Variants in TSHZ2 observed in about 807,000 individuals in gnomAD.
TSHZ2 encodes teashirt homolog 2.
A neutral mutation model predicts 74.4 loss-of-function variants in TSHZ2; 21 were observed. That is an observed-to-expected ratio of 0.28 (90% CI 0.20 to 0.41). TSHZ2 has a LOEUF of 0.41. Among genes scored for constraint, TSHZ2 ranks in the 10% least tolerant of loss-of-function variants. TSHZ2 has a pLI of 1.00. For missense variants in TSHZ2, 1,244 were observed against 1,293.5 expected, an observed-to-expected ratio of 0.96 and a Z score of 0.59; for synonymous variants, 540 against 515.3, an observed-to-expected ratio of 1.05 and a Z score of -0.65.
intron 2 of TSHZ2, among the ~76,000 whole-genome samples, chr20:53,365,598 C>T (rs1228773433): frequency 1.3e-5 from 2 of 152,260 alleles, no homozygotes; most frequent in East Asian, 3.9e-4. Context: ...TGGATCCTGA[C>T]AAAGCAAAGG....
At chr20:53,224,876 T>C (rs987309271) in intron 1 of TSHZ2, among the ~76,000 whole-genome samples, 5 of 151,514 alleles carry the variant, frequency 3.3e-5, no homozygotes, top group African/African-American at 1.2e-4. Context: ...AAAAAGAACT[T>C]AATAAATGGT....
At chr20:53,282,888 C>A (rs898013425) in intron 2 of TSHZ2, among the ~76,000 whole-genome samples, 4 of 152,342 alleles carry the variant, frequency 2.6e-5, no homozygotes, top group African/African-American at 9.6e-5. Flanking sequence ...GTGCCACTCC[C>A]AGATCAGAAC....
chr20:53,357,015 A>G (rs1453256528), intron 2 of TSHZ2, among the ~76,000 whole-genome samples: 1 of 152,110 alleles, frequency 6.6e-6, no homozygotes, highest in Non-Finnish European at 1.5e-5. Flanking sequence ...TGTCTTTTTC[A>G]CTATCATAAT....
At chr20:53,348,617 G>A (rs1159234893) in intron 2 of TSHZ2, among the ~76,000 whole-genome samples, 1 of 152,176 alleles carries the variant, frequency 6.6e-6, no homozygotes, top group Non-Finnish European at 1.5e-5. Flanking sequence ...TGGAGGCGGG[G>A]AGGATCGCTG....
At chr20:53,439,195 T>C (rs1365426704) in intron 2 of TSHZ2, among the ~76,000 whole-genome samples, 1 of 152,182 alleles carries the variant, frequency 6.6e-6, no homozygotes, top group East Asian at 1.9e-4. Context: ...TATACTGTAT[T>C]TGGCCAAGCA....
chr20:53,117,978 C>T (rs1419521187), intron 1 of TSHZ2, among the ~76,000 whole-genome samples: 2 of 152,178 alleles, frequency 1.3e-5, no homozygotes, highest in Non-Finnish European at 2.9e-5. Context: ...AGTTGCATTA[C>T]AGTTGGGCCA....
At chr20:53,390,228 G>C (rs1982200793) in intron 2 of TSHZ2, among the ~76,000 whole-genome samples, 1 of 152,176 alleles carries the variant, frequency 6.6e-6, no homozygotes, top group Non-Finnish European at 1.5e-5. Context: ...TGGATTACTT[G>C]GTATTAATCC....
chr20:53,335,200 T>C (rs183247494), intron 2 of TSHZ2, among the ~76,000 whole-genome samples: 6 of 152,344 alleles, frequency 3.9e-5, no homozygotes, highest in African/African-American at 1.4e-4. Context: ...AGAGACCTAC[T>C]AAACCAGAAA....
intron 2 of TSHZ2, among the ~76,000 whole-genome samples, chr20:53,407,060 G>T (rs1245015465): frequency 6.6e-6 from 1 of 152,154 alleles, no homozygotes; most frequent in Non-Finnish European, 1.5e-5. Context: ...ACACAGCAGT[G>T]GGGGTAACAT....
intron 2 of TSHZ2, among the ~76,000 whole-genome samples, chr20:53,473,316 G>A (rs888425419): frequency 2.8e-5 from 4 of 143,192 alleles, no homozygotes; most frequent in South Asian, 4.7e-4. Context: ...ATCTGAGAAC[G>A]GGCAGACTGC....
chr20:53,175,131 CTTTTTTTTT>C (rs750453219), intron 1 of TSHZ2, among the ~76,000 whole-genome samples: 179 of 63,644 alleles, frequency 2.8e-3, no homozygotes, highest in Admixed American at 7.7e-3. Context: ...CTTCTTCTTT[CTTTTTTTTT>C]TTTTTTTTTT....
chr20:53,023,935 T>C (rs1425831516), intron 1 of TSHZ2, among the ~76,000 whole-genome samples: 7 of 152,062 alleles, frequency 4.6e-5, no homozygotes, highest in African/African-American at 7.2e-5. Context: ...ACCATTAGTG[T>C]TAAATGTCTG....
chr20:53,449,572 G>A (rs537316402), intron 2 of TSHZ2, among the ~76,000 whole-genome samples: 7 of 152,144 alleles, frequency 4.6e-5, no homozygotes, highest in Non-Finnish European at 1.0e-4. Flanking sequence ...CATCTCTTAA[G>A]CAATGTGTTG....
At chr20:53,407,187 T>C (rs1005518781) in intron 2 of TSHZ2, among the ~76,000 whole-genome samples, 3 of 152,220 alleles carry the variant, frequency 2.0e-5, no homozygotes, top group African/African-American at 7.2e-5. Flanking sequence ...AATTCCTTTC[T>C]TCTTGATTTC....
intron 2 of TSHZ2, among the ~76,000 whole-genome samples, chr20:53,439,653 T>C (rs1054637472): frequency 2.0e-5 from 3 of 152,220 alleles, no homozygotes; most frequent in African/African-American, 7.2e-5. Context: ...CATAAATTGT[T>C]CTAATTATAC....
chr20:53,360,999 A>G (rs572306331), intron 2 of TSHZ2, among the ~76,000 whole-genome samples: 31 of 152,184 alleles, frequency 2.0e-4, no homozygotes, highest in Non-Finnish European at 3.8e-4. Flanking sequence ...TTTCTTTTGA[A>G]CCAGTGAAGC....
intron 2 of TSHZ2, among the ~76,000 whole-genome samples, chr20:53,268,624 A>G (rs964396777): frequency 6.6e-6 from 1 of 152,194 alleles, no homozygotes. Context: ...CAATATAAAT[A>G]CAACAGTGAA....
chr20:53,346,409 C>T lies in TSHZ2; in HGVS notation c.*8+89838C>T, dbSNP rs141886904. 7.9e-5 allele frequency among the ~76,000 whole-genome samples: 12 copies of T among 152,338 alleles called. No homozygotes were observed. In the East Asian group the frequency reaches 2.3e-3, roughly 29 times the overall value. ...GCCCTCGAAGCCAGCACGCTCTGAA[C>T]TTGCCGGCTGGAATGTCCTCTTTCC... On this transcript the variant is annotated intron_variant, in intron 2 of 2. Transcript: ENST00000371497.
chr20:53,463,416 AAGGAAGGAAGGAAGGAAGG>A (rs1164782235), intron 2 of TSHZ2, among the ~76,000 whole-genome samples: 13 of 124,782 alleles, frequency 1.0e-4, no homozygotes, highest in African/African-American at 3.2e-4. Flanking sequence ...GGAAGGAAGG[AAGGAAGGAAGGAAGGAAGG>A]AGGGAGGGAG....
Sources: gnomAD v4.1 joint callset for allele counts (sites outside exome capture counted in the v4.1 genomes callset) on GRCh38, gnomAD v4.1.1 for gene constraint, MANE v1.5 for transcripts, NCBI Gene and HGNC (gene_info 2026-07-23, HGNC 2026-07-21) for gene names.